Variants in BCL2L11 observed in about 807,000 individuals in gnomAD.
BCL2L11 encodes bcl-2-like protein 11.
BCL2L11 carries 15 observed loss-of-function variants against 20.6 expected under a neutral mutation model. That is an observed-to-expected ratio of 0.73 (90% CI 0.49 to 1.12). BCL2L11 has a LOEUF of 1.12. Among genes scored for constraint, BCL2L11 ranks in the 50% most tolerant of loss-of-function variants. BCL2L11 has a pLI of 0.00. For missense variants in BCL2L11, 292 were observed against 260.9 expected, an observed-to-expected ratio of 1.12 and a Z score of -0.82; for synonymous variants, 108 against 92.8, an observed-to-expected ratio of 1.16 and a Z score of -0.94.
At chr2:111,152,807 A>G (rs1210847623) in intron 3 of BCL2L11, among the ~76,000 whole-genome samples, 3 of 152,220 alleles carry the variant, frequency 2.0e-5, no homozygotes, top group Non-Finnish European at 4.4e-5. Flanking sequence ...CGTATGTTTA[A>G]GATGGTCATG....
At chr2:111,122,415 A>G (rs1559001382) in intron 1 of BCL2L11, among the ~76,000 whole-genome samples, 5 of 152,102 alleles carry the variant, frequency 3.3e-5, no homozygotes, top group Admixed American at 1.3e-4. Context: ...ACGAAGCGGC[A>G]GCCGCCACGA....
intron 3 of BCL2L11, among the ~76,000 whole-genome samples, chr2:111,156,975 T>A (rs191047469): frequency 3.3e-4 from 51 of 152,330 alleles, no homozygotes; most frequent in African/African-American, 1.2e-3. Flanking sequence ...TGGAACTGCT[T>A]TTTAAACAAG....
At chr2:111,121,951 C>G (rs1177531591) in intron 1 of BCL2L11, among the ~76,000 whole-genome samples, 1 of 152,202 alleles carries the variant, frequency 6.6e-6, no homozygotes, top group Non-Finnish European at 1.5e-5. Context: ...CCCGAGCACA[C>G]CCGACCCGGT....
At chr2:111,152,615 A>G (rs17041885) in intron 3 of BCL2L11, among the ~76,000 whole-genome samples, 5,286 of 152,250 alleles carry the variant, frequency 0.035, 331 homozygotes, top group African/African-American at 0.12. Flanking sequence ...GTCCCCGGCC[A>G]TCCTCTTGTG....
intron 2 of BCL2L11, among the ~76,000 whole-genome samples, chr2:111,137,448 G>A (rs182986517): frequency 1.1e-4 from 16 of 152,222 alleles, no homozygotes; most frequent in East Asian, 9.7e-4. Context: ...GTCCCTGCTC[G>A]GTCAATGGCT....
chr2:111,141,417 A>T (rs2075787721), intron 2 of BCL2L11, among the ~76,000 whole-genome samples: 1 of 150,762 alleles, frequency 6.6e-6, no homozygotes, highest in Admixed American at 6.6e-5. Flanking sequence ...TGCAAGAACA[A>T]AAAACCAAAC....
Position 111,121,001 on chromosome 2 carries a change from GC to G in BCL2L11, c.-199del. On this transcript the variant is annotated 5_prime_UTR_variant, in exon 1 of 4. Transcript: ENST00000393256. The stretch of plus-strand genomic sequence containing the variant: ...CGCTGCCGCCGCCGCCGCCGCCGCC[GC>G]CGCCGCCGCCGCCGCCGCCACTACC... 2.5e-6 allele frequency: 1 copy of G among 399,764 alleles called. No individual in the cohort carries two copies. Among genetic ancestry groups the G allele is most frequent in the Non-Finnish European group, 4.4e-6 (1 of 226,682 alleles). 24.8% of individuals were successfully genotyped at this position (399,764 alleles called of 1,614,324 possible). A position where few individuals can be genotyped will look rare whatever the true frequency, so the allele number is the denominator to read the frequency against.
At chr2:111,153,846 G>A (rs1468735052) in intron 3 of BCL2L11, 3 of 1,551,572 alleles carry the variant, frequency 1.9e-6, no homozygotes, top group Admixed American at 2.0e-5. Flanking sequence ...CAGTGGGGAA[G>A]CGTTTGAGAC....
intron 2 of BCL2L11, among the ~76,000 whole-genome samples, chr2:111,133,253 G>T (rs1371217158): frequency 6.6e-6 from 1 of 152,182 alleles, no homozygotes; most frequent in Non-Finnish European, 1.5e-5. Context: ...CAAACAGCGT[G>T]CTGTGCATTC....
intron 2 of BCL2L11, among the ~76,000 whole-genome samples, chr2:111,139,314 C>T (rs2075424417): frequency 6.6e-6 from 1 of 152,130 alleles, no homozygotes. Flanking sequence ...GTTGGGGACA[C>T]CTGCTGGAGA....
chr2:111,128,865 C>G (rs2073269404), intron 2 of BCL2L11: 1 of 1,393,388 alleles, frequency 7.2e-7, no homozygotes, highest in African/African-American at 1.5e-5. Flanking sequence ...TTTCTTTCTA[C>G]CTTTTTAAAC....
intron 2 of BCL2L11, among the ~76,000 whole-genome samples, chr2:111,124,546 TC>T (rs2150154875): frequency 6.6e-6 from 1 of 152,310 alleles, no homozygotes; most frequent in East Asian, 1.9e-4. Flanking sequence ...TGTCTCAGCC[TC>T]CCAAAGTGCT....
At position 111,164,405 on chromosome 2, in the gene BCL2L11, A is replaced by G; in HGVS notation, c.*174A>G. ...GGATGGGACTACCTTTCTGTTCATCACCACACAGCAGAATTTCTAATGGAA... is the reference window on the plus strand; with the variant it reads ...GGATGGGACTACCTTTCTGTTCATCGCCACACAGCAGAATTTCTAATGGAA... On this transcript the variant is annotated 3_prime_UTR_variant, in exon 4 of 4. Coordinates refer to ENST00000393256, the MANE Select transcript of BCL2L11 (RefSeq NM_138621.5). The G allele has an allele frequency of 1.9e-6, 1 of 540,036 alleles. No homozygotes were observed. The highest frequency in any genetic ancestry group is 2.7e-5 in the South Asian group (1 of 37,220). The allele number at this position is 540,036 out of a possible 1,614,324, so 33.5% of individuals were successfully genotyped here. A position where few individuals can be genotyped will look rare whatever the true frequency, so the allele number is the denominator to read the frequency against.
chr2:111,151,633 A>G (rs767810910), intron 3 of BCL2L11, among the ~76,000 whole-genome samples: 20 of 152,126 alleles, frequency 1.3e-4, no homozygotes, highest in Non-Finnish European at 2.5e-4. Context: ...ACAAATAGAC[A>G]TTTTCCCATT....
At chr2:111,150,904 TTGTGTGTG>T (rs139665965) in intron 3 of BCL2L11, among the ~76,000 whole-genome samples, 3 of 151,256 alleles carry the variant, frequency 2.0e-5, no homozygotes, top group Non-Finnish European at 3.0e-5. Flanking sequence ...GTTTGTTTGT[TTGTGTGTG>T]TGTTTGTTTT....
chr2:111,161,402 G>A (rs2078530947), intron 3 of BCL2L11: 2 of 1,550,212 alleles, frequency 1.3e-6, no homozygotes, highest in Non-Finnish European at 1.7e-6. Context: ...GAACTTAAAT[G>A]CACTTTTGAT....
intron 3 of BCL2L11, 152 bp downstream of exon 3, chr2:111,150,299 C>A (rs772543996): frequency 3.5e-6 from 5 of 1,435,662 alleles, no homozygotes; most frequent in South Asian, 1.2e-5. Flanking sequence ...TCTCCTTTCC[C>A]ATTTTTCATT....
At chr2:111,122,218 G>T (rs2071183631) in intron 1 of BCL2L11, among the ~76,000 whole-genome samples, 1 of 152,232 alleles carries the variant, frequency 6.6e-6, no homozygotes, top group African/African-American at 2.4e-5. Flanking sequence ...GCCCCCGACG[G>T]GCCAAAACAA....
At chr2:111,144,358 GGTGT>G in intron 2 of BCL2L11, 9 of 932,742 alleles carry the variant, frequency 9.6e-6, no homozygotes, top group Non-Finnish European at 1.3e-5. Flanking sequence ...CCTGGAGGGA[GGTGT>G]GTGTGTGTGT....
Sources: allele counts gnomAD v4.1 joint callset (sites outside exome capture counted in the v4.1 genomes callset), GRCh38; gene constraint gnomAD v4.1.1; transcripts MANE v1.5; gene names NCBI Gene and HGNC (gene_info 2026-07-23, HGNC 2026-07-21).